The following ZBTB10 variants were observed in gnomAD, a reference collection of about 807,000 sequenced individuals.
ZBTB10 encodes the protein zinc finger and BTB domain-containing protein 10.
In ZBTB10, 32 loss-of-function variants were observed where a neutral mutation model predicts 76.4. The ratio of observed to expected loss-of-function variants is 0.42; its 90% confidence interval spans 0.32 to 0.56. The LOEUF (loss-of-function observed/expected upper bound fraction) is 0.56. Ranked by LOEUF, ZBTB10 falls within the 20% of genes least tolerant of loss-of-function variation. The probability of loss-of-function intolerance (pLI) is 0.14; values close to 1 mark genes in which losing one functional copy is unlikely to be tolerated. For synonymous variants in ZBTB10, 523 were observed against 432.9 expected (o/e 1.21, Z -2.58); for missense variants, 1,057 against 1,098.5 (o/e 0.96, Z 0.53).
rs954432166 is a variant in ZBTB10 at position 80,486,710 on chromosome 8, G to A, written c.-101G>A. 5 of 998,426 alleles carry A rather than the reference G, an allele frequency of 5.0e-6. No homozygotes were observed. The highest frequency in any genetic ancestry group is 4.5e-5 in the South Asian group (1 of 22,272). 61.8% of individuals were successfully genotyped at this position (998,426 alleles called of 1,614,324 possible). ...GCCCCGCGAGACCGGAACGCCGGGG[G>A]CGGGGGCGAGACAGAGGGGGAGCCG... On this transcript the variant is annotated 5_prime_UTR_variant, in exon 1 of 6. Transcript: ENST00000455036.
At chr8:80,496,255 T>C (rs1815779104) in intron 1 of ZBTB10, among the ~76,000 whole-genome samples, 1 of 152,174 alleles carries the variant, frequency 6.6e-6, no homozygotes, top group African/African-American at 2.4e-5. Flanking sequence ...TTTTAGTGCT[T>C]TGTGCTTATT....
In ZBTB10 at chr8:80,486,849, C is replaced by T. The variant is rs2131465640; in HGVS notation, c.39C>T (p.Phe13=). 4.6e-6 allele frequency: 7 copies of T among 1,506,476 alleles called. No homozygotes were observed. The highest frequency in any genetic ancestry group is 2.2e-5 in the Admixed American group (1 of 45,604). The allele number at this position is 1,506,476 out of a possible 1,614,324, so 93.3% of individuals were successfully genotyped here. Residue 13 remains phenylalanine, a synonymous_variant, in exon 1 of 6, where the codon TTC becomes TTT. Coordinates refer to ENST00000455036, the MANE Select transcript of ZBTB10 (RefSeq NM_001105539.3). ...FSEMNRRTLA[F]RGGGLVTASG... ...AAATGAACCGCAGGACGCTGGCGTT[C>T]CGAGGAGGCGGGTTGGTCACCGCTA...
rs189246196 is a variant in ZBTB10, at chr8:80,524,656, G to A, written c.*5128G>A. 1 of 152,164 alleles carries A rather than the reference G, an allele frequency of 6.6e-6. No homozygotes were observed. The highest frequency in any genetic ancestry group is 1.9e-4 in the East Asian group (1 of 5,192). 9.4% of individuals were successfully genotyped at this position (152,164 alleles called of 1,614,324 possible). A position where few individuals can be genotyped will look rare whatever the true frequency, so the allele number is the denominator to read the frequency against. On this transcript the variant is annotated 3_prime_UTR_variant, in exon 6 of 6. Transcript: ENST00000455036. Reference sequence around the variant, plus strand: ...TTGTTTGGAGAAGGGCACAATAAAGGGGAGCCCACATAGCATTATAATGCC... The same window carrying A: ...TTGTTTGGAGAAGGGCACAATAAAGAGGAGCCCACATAGCATTATAATGCC...
intron 1 of ZBTB10, among the ~76,000 whole-genome samples, chr8:80,495,435 C>T (rs1460589940): frequency 2.7e-5 from 4 of 149,034 alleles, no homozygotes; most frequent in Non-Finnish European, 4.4e-5. Context: ...TTTTAAATGC[C>T]GTCGCATTTA....
intron 2 of ZBTB10, among the ~76,000 whole-genome samples, chr8:80,510,333 G>A (rs1215566990): frequency 6.6e-6 from 1 of 152,138 alleles, no homozygotes. Context: ...CTTGGTGCTT[G>A]TGATAAACTG....
chr8:80,505,427 A>G (rs1181085035), intron 2 of ZBTB10, among the ~76,000 whole-genome samples: 14 of 152,184 alleles, frequency 9.2e-5, no homozygotes, highest in Non-Finnish European at 1.8e-4. Context: ...ATGTAGTTCT[A>G]TGTAAATGAT....
rs1200746553 is a variant in ZBTB10, at chr8:80,523,479, G to T, written c.*3951G>T. 1 of 151,898 alleles carries T rather than the reference G, an allele frequency of 6.6e-6. No homozygotes were observed. The highest frequency in any genetic ancestry group is 6.6e-5 in the Admixed American group (1 of 15,210). 9.4% of individuals were successfully genotyped at this position (151,898 alleles called of 1,614,324 possible). ...GGCATTTTAATTTTATAAAAGAATG[G>T]TTTTTATCTGAAGAACTAGATAGAA... On this transcript the variant is annotated 3_prime_UTR_variant, in exon 6 of 6. Coordinates refer to ENST00000455036, the MANE Select transcript of ZBTB10 (RefSeq NM_001105539.3).
chr8:80,507,180 C>T (rs760945763), intron 2 of ZBTB10, among the ~76,000 whole-genome samples: 19 of 151,628 alleles, frequency 1.3e-4, no homozygotes, highest in South Asian at 2.1e-4. Context: ...TGGTGGCGCG[C>T]GCCTGTAATC....
chr8:80,494,087 C>G (rs553211725), intron 1 of ZBTB10, among the ~76,000 whole-genome samples: 1 of 152,072 alleles, frequency 6.6e-6, no homozygotes, highest in African/African-American at 2.4e-5. Context: ...TGAATTTGTT[C>G]TAAAATTTGG....
intron 1 of ZBTB10, among the ~76,000 whole-genome samples, chr8:80,498,951 C>A (rs1451620842): frequency 6.6e-6 from 1 of 152,184 alleles, no homozygotes; most frequent in African/African-American, 2.4e-5. Context: ...CCCTTAGGGT[C>A]TTACCTTTAT....
At chr8:80,512,962 C>T (rs561754030) in intron 2 of ZBTB10, among the ~76,000 whole-genome samples, 2 of 151,966 alleles carry the variant, frequency 1.3e-5, no homozygotes, top group African/African-American at 4.8e-5. Flanking sequence ...CATTTTTAGC[C>T]CTCATCTTGA....
chr8:80,496,334 A>AT (rs1273557517), intron 1 of ZBTB10, among the ~76,000 whole-genome samples: 3 of 143,168 alleles, frequency 2.1e-5, no homozygotes, highest in Non-Finnish European at 4.6e-5. Flanking sequence ...GAAATGATTC[A>AT]TTTTTTTTGA....
rs371158232 is a variant in ZBTB10, at chr8:80,487,595, G to T, written c.785G>T (p.Arg262Leu). 1 of 1,613,442 alleles carries T rather than the reference G, an allele frequency of 6.2e-7. No individual in the cohort carries two copies. Among genetic ancestry groups the T allele is most frequent in the African/African-American group, 1.3e-5 (1 of 74,940 alleles). Reference sequence around the variant, plus strand: ...TGGCTCAAGGACTTTCCCTGGCTGCGCTATTCCAAGGATACTGGTCTTATG... The same window carrying T: ...TGGCTCAAGGACTTTCCCTGGCTGCTCTATTCCAAGGATACTGGTCTTATG... ...TSWLKDFPWL[R>L]YSKDTGLMSC... The change falls in exon 1 of 6, where the codon CGC (arginine) becomes CTC (leucine). Residue 262 changes from arginine (R) to leucine (L), a missense_variant. Arg to Leu is a moderately radical substitution (Grantham distance 102). Coordinates refer to ENST00000455036, the MANE Select transcript of ZBTB10 (RefSeq NM_001105539.3).
chr8:80,509,548 G>A (rs10102597), intron 2 of ZBTB10, among the ~76,000 whole-genome samples: 13,040 of 152,002 alleles, frequency 0.086, 1,149 homozygotes, highest in African/African-American at 0.22. Context: ...ACGTGATTTG[G>A]AAGGGTTGCT....
chr8:80,515,532 C>T (rs1816304806), intron 3 of ZBTB10, among the ~76,000 whole-genome samples: 1 of 152,118 alleles, frequency 6.6e-6, no homozygotes, highest in Admixed American at 6.5e-5. Flanking sequence ...GATTTTTTTG[C>T]TCGTACAGAA....
rs572234024 is a variant in ZBTB10, at chr8:80,492,597, A to G, written c.972+4815A>G. 1.3e-3 allele frequency among the ~76,000 whole-genome samples: 190 copies of G among 151,736 alleles called. 1 individual carries two copies. The highest frequency in any genetic ancestry group is 1.6e-3 in the Non-Finnish European group (106 of 67,920). ...GGGTTCAAGTGATTCTTCTGCCTCA[A>G]CCTCCTGATTAGCTGGGACTACAGG... On this transcript the variant is annotated intron_variant, in intron 1 of 5. Transcript: ENST00000455036.
intron 1 of ZBTB10, among the ~76,000 whole-genome samples, chr8:80,493,684 G>A (rs1815708106): frequency 1.3e-5 from 2 of 148,332 alleles, no homozygotes; most frequent in Admixed American, 1.3e-4. Context: ...AAAAAACCGA[G>A]CCGGGCGTGG....
chr8:80,499,888 G>T lies in ZBTB10; in HGVS notation c.1367G>T (p.Arg456Leu). Residue 456 changes from arginine to leucine, a missense_variant, in exon 2 of 6, where the codon CGA (arginine) becomes CTA (leucine). Around this residue, in one of 5 missense-constraint regions of ZBTB10, gnomAD observed 306 missense variants for 297.5 expected, o/e 1.03. Coordinates refer to ENST00000455036, the MANE Select transcript of ZBTB10 (RefSeq NM_001105539.3). ...LQMSEVVQTCRNFIKDALNIS... is the reference protein window; with the variant it reads ...LQMSEVVQTCLNFIKDALNIS... Reference sequence around the variant, plus strand: ...ATGAGTGAAGTTGTTCAAACTTGCCGAAATTTCATTAAAGATGCCTTAAAT... The same window carrying T: ...ATGAGTGAAGTTGTTCAAACTTGCCTAAATTTCATTAAAGATGCCTTAAAT... 6.2e-7 allele frequency: 1 copy of T among 1,613,834 alleles called. No individual in the cohort carries two copies. Among genetic ancestry groups the T allele is most frequent in the South Asian group, 1.1e-5 (1 of 91,056 alleles).
intron 1 of ZBTB10, among the ~76,000 whole-genome samples, 156 bp downstream of exon 1, chr8:80,487,938 G>A (rs1412724588): frequency 6.6e-6 from 1 of 152,152 alleles, no homozygotes; most frequent in African/African-American, 2.4e-5. Flanking sequence ...CTTAGGCGTG[G>A]GGGTTTAGAA....
Sources: gnomAD v4.1 joint callset for allele counts (sites outside exome capture counted in the v4.1 genomes callset) on GRCh38, gnomAD v4.1.1 for gene constraint, gnomAD v4.1.1 regional missense constraint, MANE v1.5 for transcripts, NCBI Gene and HGNC (gene_info 2026-07-23, HGNC 2026-07-21) for gene names.